CCSER1: variants seen among roughly 807,000 people sequenced by gnomAD.
The protein encoded by CCSER1 is serine-rich coiled-coil domain-containing protein 1.
In CCSER1, 41 loss-of-function variants were observed where a neutral mutation model predicts 82.0. The observed-to-expected ratio is 0.50, with a 90% CI of 0.39 to 0.65. CCSER1 has a LOEUF of 0.65. CCSER1 is among the 30% of genes least tolerant of loss of function. The pLI, the probability that CCSER1 is intolerant of heterozygous loss-of-function variation, is 0.00. For synonymous variants in CCSER1, 414 were observed against 383.9 expected (o/e 1.08, Z -0.92); for missense variants, 1,119 against 1,064.2 (o/e 1.05, Z -0.72).
rs148025792 is a variant in CCSER1 at position 91,086,729 on chromosome 4, T to C, written c.2217+735T>C. On this transcript the variant is annotated intron_variant, in intron 10 of 10. Coordinates refer to ENST00000509176, the MANE Select transcript of CCSER1 (RefSeq NM_001145065.2). ...AAAAAATCTTACTGTCCTCTCCATT[T>C]GTAGCTTCCTTTCTGTATAAACAGA... 7.8e-3 allele frequency among the ~76,000 whole-genome samples: 1,183 copies of C among 152,242 alleles called. 11 individuals are homozygous for C. Among genetic ancestry groups the C allele is most frequent in the African/African-American group, 0.026 (1,096 of 41,582 alleles).
chr4:90,954,466 A>T (rs1042420322), intron 9 of CCSER1, among the ~76,000 whole-genome samples: 16 of 152,198 alleles, frequency 1.1e-4, no homozygotes, highest in African/African-American at 3.8e-4. Flanking sequence ...GTTTCATAAA[A>T]GATGATTATA....
At chr4:90,491,450 T>C (rs1312677327) in intron 5 of CCSER1, among the ~76,000 whole-genome samples, 2 of 152,168 alleles carry the variant, frequency 1.3e-5, no homozygotes, top group Non-Finnish European at 2.9e-5. Flanking sequence ...TATACAATCA[T>C]GTTGTCTGCA....
At chr4:90,278,655 T>C (rs989520625) in intron 1 of CCSER1, among the ~76,000 whole-genome samples, 4 of 150,898 alleles carry the variant, frequency 2.7e-5, no homozygotes, top group African/African-American at 4.9e-5. Context: ...ATGGGAACAA[T>C]AGACATTGAG....
In CCSER1 at chr4:91,191,432, G is replaced by A. The variant is rs867387632; in HGVS notation, c.2217+105438G>A. Among the ~76,000 whole-genome samples the A allele has an allele frequency of 5.3e-5, 8 of 152,124 alleles. No individual in the cohort carries two copies. In the South Asian group the frequency reaches 1.5e-3, roughly 28 times the overall value. Reference sequence around the variant, plus strand: ...GTATACTTATAACTGCCCAACCTTCGAACCTGCTTATTAACTTTTCAGAAT... The same window carrying A: ...GTATACTTATAACTGCCCAACCTTCAAACCTGCTTATTAACTTTTCAGAAT... On this transcript the variant is annotated intron_variant, in intron 10 of 10. Coordinates refer to ENST00000509176, the MANE Select transcript of CCSER1 (RefSeq NM_001145065.2).
At chr4:90,964,731 C>CAAAAAAAAA (rs71596540) in intron 9 of CCSER1, among the ~76,000 whole-genome samples, 1 of 77,628 alleles carries the variant, frequency 1.3e-5, no homozygotes, top group Non-Finnish European at 2.2e-5. Flanking sequence ...ACTCTGTCTC[C>CAAAAAAAAA]AAAAAAAAAA....
At chr4:90,900,264 T>A (rs6840941) in intron 8 of CCSER1, among the ~76,000 whole-genome samples, 14,765 of 151,824 alleles carry the variant, frequency 0.097, 787 homozygotes, top group African/African-American at 0.13. Context: ...AGAGATGTTC[T>A]TAGCAGTCTC....
intron 5 of CCSER1, among the ~76,000 whole-genome samples, chr4:90,479,521 C>A (rs544293976): frequency 6.6e-6 from 1 of 152,062 alleles, no homozygotes; most frequent in African/African-American, 2.4e-5. Context: ...TGCTATCCCT[C>A]CCCGCTCCCC....
chr4:90,469,948 A>C (rs1425654302), intron 5 of CCSER1, among the ~76,000 whole-genome samples: 2 of 152,160 alleles, frequency 1.3e-5, no homozygotes, highest in Non-Finnish European at 2.9e-5. Flanking sequence ...TGAAATTTGA[A>C]ATGGAACATG....
intron 10 of CCSER1, among the ~76,000 whole-genome samples, chr4:91,206,161 GAATA>G (rs1231440162): frequency 1.3e-5 from 2 of 151,876 alleles, no homozygotes; most frequent in African/African-American, 4.8e-5. Context: ...ATTGTCCATT[GAATA>G]AATAAGATAA....
intron 10 of CCSER1, among the ~76,000 whole-genome samples, chr4:91,183,144 C>T (rs115161238): frequency 0.016 from 2,405 of 152,232 alleles, 58 homozygotes; most frequent in African/African-American, 0.053. Flanking sequence ...GTTTGCAATT[C>T]GGTAAATAAA....
At chr4:91,255,187 TTC>T (rs1223748279) in intron 10 of CCSER1, among the ~76,000 whole-genome samples, 11 of 152,176 alleles carry the variant, frequency 7.2e-5, no homozygotes, top group African/African-American at 2.7e-4. Context: ...AGGGCATAGT[TTC>T]TGGGACAGAA....
At chr4:91,297,389 G>GTA (rs1560573845) in intron 10 of CCSER1, among the ~76,000 whole-genome samples, 7 of 89,806 alleles carry the variant, frequency 7.8e-5, no homozygotes, top group Non-Finnish European at 1.1e-4. Flanking sequence ...GTGTGTATGT[G>GTA]TGTGTGTGTG....
At chr4:90,625,778 TATATTC>T (rs1723144819) in intron 5 of CCSER1, among the ~76,000 whole-genome samples, 1 of 152,160 alleles carries the variant, frequency 6.6e-6, no homozygotes, top group South Asian at 2.1e-4. Context: ...GGATTAAAAA[TATATTC>T]AAATTATTGA....
chr4:90,905,712 C>G lies in CCSER1; in HGVS notation c.2095-17658C>G, dbSNP rs187338254. 5.9e-5 allele frequency among the ~76,000 whole-genome samples: 9 copies of G among 152,242 alleles called. No homozygotes were observed. The East Asian group carries it at 1.7e-3, about 29-fold the overall frequency. ...GAACAATGACCCTTTGCTTACAACT[C>G]TCTATGTCATGAGAGCATTGTGTGC... On this transcript the variant is annotated intron_variant, in intron 8 of 10. Transcript: ENST00000509176.
chr4:91,341,321 G>A lies in CCSER1; in HGVS notation c.2217+255327G>A, dbSNP rs563137655. Among the ~76,000 whole-genome samples, 54 of 152,294 alleles carry A rather than the reference G, an allele frequency of 3.5e-4. 1 individual carries two copies. In the South Asian group the frequency reaches 6.0e-3, roughly 17 times the overall value. On this transcript the variant is annotated intron_variant, in intron 10 of 10. Transcript: ENST00000509176. ...TTCTGTGGTTTTGCTTTTCTGAACT[G>A]TGGATTGAGTAAAGCAGTGTAATAG...
intron 6 of CCSER1, among the ~76,000 whole-genome samples, chr4:90,653,851 A>G (rs1204125479): frequency 6.6e-6 from 1 of 152,168 alleles, no homozygotes; most frequent in Non-Finnish European, 1.5e-5. Flanking sequence ...AGACTGGGTA[A>G]TTTATGAAGA....
chr4:90,182,673 C>T (rs190868718), intron 1 of CCSER1, among the ~76,000 whole-genome samples: 2 of 152,192 alleles, frequency 1.3e-5, no homozygotes, highest in African/African-American at 4.8e-5. Flanking sequence ...AAAAGTAGTT[C>T]CCCTCTATTT....
At chr4:90,532,930 C>T (rs1774769096) in intron 5 of CCSER1, among the ~76,000 whole-genome samples, 1 of 152,022 alleles carries the variant, frequency 6.6e-6, no homozygotes, top group Non-Finnish European at 1.5e-5. Context: ...TGTACTCCCT[C>T]CCAGGAGTTA....
intron 8 of CCSER1, among the ~76,000 whole-genome samples, chr4:90,906,541 C>G (rs781707668): frequency 3.9e-5 from 6 of 152,054 alleles, no homozygotes. Flanking sequence ...AATTTTTATA[C>G]ACATTGAAAT....
Sources: allele counts gnomAD v4.1 joint callset (sites outside exome capture counted in the v4.1 genomes callset), GRCh38; gene constraint gnomAD v4.1.1; transcripts MANE v1.5; gene names NCBI Gene and HGNC (gene_info 2026-07-23, HGNC 2026-07-21).